CLYBL: variants seen among roughly 807,000 people sequenced by gnomAD.
CLYBL encodes the protein citramalyl-CoA lyase.
CLYBL carries 31 observed loss-of-function variants against 38.9 expected under a neutral mutation model. The observed-to-expected ratio is 0.80, with a 90% CI of 0.60 to 1.08. CLYBL has a LOEUF of 1.08. Ranked by LOEUF, CLYBL falls within the 50% of genes least tolerant of loss-of-function variation. The probability of loss-of-function intolerance (pLI) is 0.00; values close to 1 mark genes in which losing one functional copy is unlikely to be tolerated. For synonymous variants in CLYBL, 171 were observed against 158.6 expected (o/e 1.08, Z -0.59); for missense variants, 434 against 411.6 (o/e 1.05, Z -0.47).
At chr13:99,867,052 G>A (rs2051766213) in intron 6 of CLYBL, among the ~76,000 whole-genome samples, 1 of 152,006 alleles carries the variant, frequency 6.6e-6, no homozygotes, top group African/African-American at 2.4e-5. Flanking sequence ...ATGAGCCAGG[G>A]GAGCAACAGA....
intron 2 of CLYBL, among the ~76,000 whole-genome samples, chr13:99,782,645 A>G (rs2049683881): frequency 1.3e-5 from 2 of 152,128 alleles, no homozygotes; most frequent in South Asian, 2.1e-4. Context: ...CCCTTGGTAT[A>G]CTGAAGTTTT....
chr13:99,868,291 C>T (rs897336402), intron 6 of CLYBL, among the ~76,000 whole-genome samples: 1 of 152,040 alleles, frequency 6.6e-6, no homozygotes, highest in Admixed American at 6.6e-5. Flanking sequence ...TATTTGTAGT[C>T]ATTTTTTAAA....
chr13:99,804,916 C>T (rs910111177), intron 2 of CLYBL, among the ~76,000 whole-genome samples: 1 of 152,154 alleles, frequency 6.6e-6, no homozygotes, highest in Non-Finnish European at 1.5e-5. Flanking sequence ...AACAATAACT[C>T]CCCATTTCCC....
intron 2 of CLYBL, among the ~76,000 whole-genome samples, chr13:99,784,719 G>C (rs1462331499): frequency 6.6e-6 from 1 of 152,030 alleles, no homozygotes; most frequent in African/African-American, 2.4e-5. Context: ...CTCCCGAAGT[G>C]CTGGGATTAT....
At chr13:99,753,709 A>C (rs2048998681) in intron 1 of CLYBL, among the ~76,000 whole-genome samples, 1 of 152,166 alleles carries the variant, frequency 6.6e-6, no homozygotes, top group African/African-American at 2.4e-5. Flanking sequence ...GAATTTAAAG[A>C]GTGATGTTAT....
At chr13:99,741,532 T>A (rs1252826164) in intron 1 of CLYBL, among the ~76,000 whole-genome samples, 1 of 151,924 alleles carries the variant, frequency 6.6e-6, no homozygotes, top group East Asian at 1.9e-4. Context: ...CAAAACCATT[T>A]GAGCATATGT....
intron 1 of CLYBL, among the ~76,000 whole-genome samples, chr13:99,622,965 T>C (rs548963404): frequency 6.6e-6 from 1 of 152,264 alleles, no homozygotes; most frequent in East Asian, 1.9e-4. Context: ...TCCAAGTAGC[T>C]AGGACTGCAG....
chr13:99,708,077 G>A (rs1446503061), intron 1 of CLYBL, among the ~76,000 whole-genome samples: 1 of 152,030 alleles, frequency 6.6e-6, no homozygotes, highest in Non-Finnish European at 1.5e-5. Context: ...TCCACCCCCT[G>A]GGTTCATTCT....
At chr13:99,613,025 G>A (rs2793756) in intron 1 of CLYBL, among the ~76,000 whole-genome samples, 3,387 of 44,642 alleles carry the variant, frequency 0.076, 143 homozygotes, top group African/African-American at 0.14. Context: ...AAATAGTGAT[G>A]ATAATAATAA....
chr13:99,881,623 C>T (rs918684431), intron 7 of CLYBL, among the ~76,000 whole-genome samples: 6 of 150,034 alleles, frequency 4.0e-5, no homozygotes, highest in Non-Finnish European at 8.9e-5. Flanking sequence ...GACAGAGTCT[C>T]ACTATGTTGC....
chr13:99,874,101 G>A (rs1329520348), intron 7 of CLYBL, among the ~76,000 whole-genome samples: 7 of 152,140 alleles, frequency 4.6e-5, no homozygotes, highest in South Asian at 2.1e-4. Flanking sequence ...CAGAGTTAGG[G>A]CTAGAGACTG....
chr13:99,761,180 C>T (rs1413640251), intron 1 of CLYBL, among the ~76,000 whole-genome samples: 2 of 152,074 alleles, frequency 1.3e-5, no homozygotes, highest in African/African-American at 4.8e-5. Flanking sequence ...AGTGAAACCC[C>T]ATCTCTACTA....
rs755365804 is a variant in CLYBL at position 99,676,198 on chromosome 13, T to A, written c.62+69441T>A. Among the ~76,000 whole-genome samples the A allele has an allele frequency of 7.9e-5, 5 of 62,942 alleles. 1 individual carries two copies. Among genetic ancestry groups the A allele is most frequent in the African/African-American group, 1.9e-4 (5 of 25,904 alleles). The allele number at this position is 62,942 out of a possible 152,430, so 41.3% of individuals were successfully genotyped here. On this transcript the variant is annotated intron_variant, in intron 1 of 8. Coordinates refer to ENST00000339105, the MANE Select transcript of CLYBL (RefSeq NM_206808.5). The stretch of plus-strand genomic sequence containing the variant: ...CTTCCCTCCGTCCGTCCTTCCTTCC[T>A]TCCTTCCTTCCTTCCTTCCTTCCTT...
At chr13:99,755,339 T>G (rs1233311090) in intron 1 of CLYBL, among the ~76,000 whole-genome samples, 3 of 152,212 alleles carry the variant, frequency 2.0e-5, no homozygotes, top group African/African-American at 7.2e-5. Context: ...CTCATGTGTC[T>G]TGGCCCTTGG....
intron 2 of CLYBL, among the ~76,000 whole-genome samples, chr13:99,816,208 C>T (rs1414795260): frequency 6.6e-6 from 1 of 152,138 alleles, no homozygotes. Flanking sequence ...TCACCAGAGA[C>T]CAATAAGACT....
chr13:99,891,663 T>C (rs543395727), intron 8 of CLYBL: 3 of 381,096 alleles, frequency 7.9e-6, no homozygotes, highest in African/African-American at 2.1e-5. Flanking sequence ...TATGGGCTTA[T>C]GATTTCACAG....
At chr13:99,831,727 T>C (rs967739393) in intron 2 of CLYBL, among the ~76,000 whole-genome samples, 1 of 151,864 alleles carries the variant, frequency 6.6e-6, no homozygotes, top group Non-Finnish European at 1.5e-5. Context: ...CTTTCTTTTT[T>C]TTTTTTTTGT....
At chr13:99,617,436 T>C (rs2046728627) in intron 1 of CLYBL, among the ~76,000 whole-genome samples, 1 of 152,240 alleles carries the variant, frequency 6.6e-6, no homozygotes, top group South Asian at 2.1e-4. Flanking sequence ...TCTTCTTACT[T>C]AGTCTCACAG....
rs374692250 is a variant in CLYBL at position 99,615,741 on chromosome 13, C to G, written c.62+8984C>G. On this transcript the variant is annotated intron_variant, in intron 1 of 8. Coordinates refer to ENST00000339105, the MANE Select transcript of CLYBL (RefSeq NM_206808.5). The stretch of plus-strand genomic sequence containing the variant: ...ACTTGAATGATGCAGACTTGAGATT[C>G]ATTCCCTCCTTCTTTCCTTCCTTCC... 1.9e-4 allele frequency among the ~76,000 whole-genome samples: 29 copies of G among 152,176 alleles called. No individual in the cohort carries two copies. In the South Asian group the frequency reaches 6.0e-3, roughly 32 times the overall value.
Sources: allele counts gnomAD v4.1 joint callset (sites outside exome capture counted in the v4.1 genomes callset), GRCh38; gene constraint gnomAD v4.1.1; transcripts MANE v1.5; gene names NCBI Gene and HGNC (gene_info 2026-07-23, HGNC 2026-07-21).